The following PSMD13 variants were observed in gnomAD, a reference collection of about 807,000 sequenced individuals.
PSMD13 encodes the protein proteasome 26S subunit, non-ATPase 13.
Under a neutral mutation model 57.4 loss-of-function variants are expected in PSMD13, and 8 were observed. That is an observed-to-expected ratio of 0.14 (90% CI 0.08 to 0.25). The LOEUF is 0.25. Ranked by LOEUF, PSMD13 falls within the 10% of genes least tolerant of loss-of-function variation. PSMD13 has a pLI of 1.00. For missense variants in PSMD13, 400 were observed against 461.5 expected (o/e 0.87, Z 1.22); for synonymous variants, 193 against 168.2 (o/e 1.15, Z -1.14).
chr11:249,789 ATT>A (rs2133992325), intron 9 of PSMD13, among the ~76,000 whole-genome samples: 1 of 152,312 alleles, frequency 6.6e-6, no homozygotes, highest in African/African-American at 2.4e-5. Flanking sequence ...AGAAGTAAAT[ATT>A]AATAAAATGT....
Position 248,796 on chromosome 11 carries a change from G to T in PSMD13, c.589G>T (p.Ala197Ser). Residue 197 changes from alanine (A) to serine (S), a missense_variant, in exon 8 of 13, where the codon GCC (alanine) becomes TCC (serine). Coordinates refer to ENST00000532097, the MANE Select transcript of PSMD13 (RefSeq NM_002817.4). ...DLPVSEQQERAFTLGLAGLLG... is the reference protein window; with the variant it reads ...DLPVSEQQERSFTLGLAGLLG... ...CATAGTGTCTGAGCAGCAGGAGAGA[G>T]CCTTCACGCTGGGGCTAGCAGGACT... is the stretch of plus-strand genomic sequence containing the variant. 1 of 1,614,226 alleles carries T rather than the reference G, an allele frequency of 6.2e-7. No individual in the cohort carries two copies. Among genetic ancestry groups the T allele is most frequent in the East Asian group, 2.2e-5 (1 of 44,890 alleles).
rs1417177401 is a variant in PSMD13 at position 244,662 on chromosome 11, T to C, written c.310-13T>C. 2 of 1,605,562 alleles carry C rather than the reference T, an allele frequency of 1.2e-6. No individual in the cohort carries two copies. The highest frequency in any genetic ancestry group is 2.2e-5 in the East Asian group (1 of 44,866). ...CATTCTGAGGTTTCTTGTTTTTGTT[T>C]TTGATGTCTTAGGTGAAAAGTAGTG... On this transcript the variant is annotated splice_polypyrimidine_tract_variant and intron_variant, in intron 5 of 12. Transcript: ENST00000532097.
Position 252,524 on chromosome 11 carries a change from G to A in PSMD13, c.1055G>A (p.Arg352His), listed in dbSNP as rs749059585. ...DLQQIKGMKDRLEFWCTDVKS... is the reference protein window; with the variant it reads ...DLQQIKGMKDHLEFWCTDVKS... Reference sequence around the variant, plus strand: ...TTTCAGATCAAGGGAATGAAGGACCGCCTGGAGTTCTGGTGCACGGATGTG... The same window carrying A: ...TTTCAGATCAAGGGAATGAAGGACCACCTGGAGTTCTGGTGCACGGATGTG... The change falls in exon 13 of 13, where the codon CGC becomes CAC. Residue 352 changes from arginine to histidine, a missense_variant. Coordinates refer to ENST00000532097, the MANE Select transcript of PSMD13 (RefSeq NM_002817.4). The surrounding 1 kb of genome is among the most constrained non-coding windows in gnomAD (Gnocchi z 4.1). 1.1e-5 allele frequency: 18 copies of A among 1,613,956 alleles called. No homozygotes were observed. In the Admixed American group the frequency reaches 1.5e-4, roughly 13 times the overall value.
At chr11:243,537 G>T in intron 2 of PSMD13, 1 of 337,444 alleles carries the variant, frequency 3.0e-6, no homozygotes, top group South Asian at 2.5e-5. Flanking sequence ...CTTACTTATG[G>T]GATTCACCTT....
chr11:244,800 A>G (rs1372834954), intron 6 of PSMD13, 39 bp downstream of exon 6: 2 of 1,436,218 alleles, frequency 1.4e-6, no homozygotes, highest in Non-Finnish European at 1.9e-6. Flanking sequence ...TTGGTTTAAA[A>G]TTATTTAAAA....
chr11:252,255 G>T lies in PSMD13; in HGVS notation c.1036-250G>T. The T allele has an allele frequency of 1.9e-6, 1 of 523,266 alleles. No homozygotes were observed. Among genetic ancestry groups the T allele is most frequent in the Non-Finnish European group, 3.4e-6 (1 of 290,098 alleles). 32.4% of individuals were successfully genotyped at this position (523,266 alleles called of 1,614,324 possible). A position where few individuals can be genotyped will look rare whatever the true frequency, so the allele number is the denominator to read the frequency against. On this transcript the variant is annotated intron_variant, in intron 12 of 12. Transcript: ENST00000532097. The surrounding 1 kb of genome is among the most constrained non-coding windows in gnomAD (Gnocchi z 4.1). Reference sequence around the variant, plus strand: ...GCTCACGTCGCTCTTACATTTGCTGGAAATGCGATCCTGTGGATTTCCTCT... The same window carrying T: ...GCTCACGTCGCTCTTACATTTGCTGTAAATGCGATCCTGTGGATTTCCTCT...
Position 252,231 on chromosome 11 carries a change from C to G in PSMD13, c.1036-274C>G, listed in dbSNP as rs3817630. 126,373 of 512,578 alleles carry G rather than the reference C, an allele frequency of 0.25. 16,363 individuals carry two copies. Among genetic ancestry groups the G allele is most frequent in the Admixed American group, 0.3 (9,308 of 30,636 alleles). 31.8% of individuals were successfully genotyped at this position (512,578 alleles called of 1,614,324 possible). A position where few individuals can be genotyped will look rare whatever the true frequency, so the allele number is the denominator to read the frequency against. ...TACGTTCCTGGTTCTGTGATTTGAG[C>G]TCACGTCGCTCTTACATTTGCTGGA... On this transcript the variant is annotated intron_variant, in intron 12 of 12. Transcript: ENST00000532097. This position sits in a 1 kb window ranked among gnomAD's most constrained non-coding sequence, Gnocchi z 4.1.
At chr11:244,124 C>T (rs1859581653) in intron 3 of PSMD13, 37 bp from the exon 4 acceptor site, 2 of 1,605,804 alleles carry the variant, frequency 1.2e-6, no homozygotes, top group South Asian at 1.1e-5. Context: ...TGCATTGATG[C>T]TCGGCGGTGC....
chr11:249,030 G>C lies in PSMD13; in HGVS notation c.747G>C (p.Gln249His), dbSNP rs777014721. The change falls in exon 9 of 13, where the codon CAG (glutamine) becomes CAC (histidine). Residue 249 changes from glutamine (Q) to histidine (H), a missense_variant. Gln to His is a conservative substitution (Grantham distance 24). Transcript: ENST00000532097. ...AFNSGNVERF[Q>H]TLKTAWGQQP... ...ACAGTGGCAACGTAGAGCGGTTCCAGACTCTGAAGACTGCCTGGGGCCAGC... is the reference window on the plus strand; with the variant it reads ...ACAGTGGCAACGTAGAGCGGTTCCACACTCTGAAGACTGCCTGGGGCCAGC... 3.1e-6 allele frequency: 5 copies of C among 1,613,280 alleles called. No individual in the cohort carries two copies. In the Admixed American group the frequency reaches 8.3e-5, roughly 27 times the overall value.
chr11:247,636 A>G (rs1481333128), intron 7 of PSMD13, 188 bp downstream of exon 7: 3 of 519,694 alleles, frequency 5.8e-6, no homozygotes, highest in Non-Finnish European at 9.8e-6. Context: ...GTTCGAGACC[A>G]GCCTGGCCAA....
At position 251,908 on chromosome 11, in the gene PSMD13, T is replaced by A; in HGVS notation, c.1007T>A (p.Val336Glu). 1.9e-6 allele frequency: 3 copies of A among 1,614,084 alleles called. No individual in the cohort carries two copies. Among genetic ancestry groups the A allele is most frequent in the Non-Finnish European group, 2.5e-6 (3 of 1,179,932 alleles). ...EVDKRVHMTW[V>E]QPRVLDLQQI... Reference sequence around the variant, plus strand: ...GACAAACGAGTCCACATGACCTGGGTGCAGCCCCGAGTGTTGGATTTGCAA... The same window carrying A: ...GACAAACGAGTCCACATGACCTGGGAGCAGCCCCGAGTGTTGGATTTGCAA... Residue 336 changes from valine (V) to glutamate (E), a missense_variant, in exon 12 of 13, where the codon GTG (valine) becomes GAG (glutamate). By Grantham distance (121) the Val-to-Glu change is moderately radical. Coordinates refer to ENST00000532097, the MANE Select transcript of PSMD13 (RefSeq NM_002817.4). The surrounding 1 kb of genome is among the most constrained non-coding windows in gnomAD (Gnocchi z 4.6).
chr11:243,211 A>T (rs6598065), intron 2 of PSMD13: 4 of 594,310 alleles, frequency 6.7e-6, no homozygotes, highest in Non-Finnish European at 9.9e-6. Context: ...TGCTGCACAC[A>T]ACATTACTGA....
At chr11:240,128 T>TTTTGCGG (rs869292581) in intron 2 of PSMD13, among the ~76,000 whole-genome samples, 1 of 141,614 alleles carries the variant, frequency 7.1e-6, no homozygotes, top group Non-Finnish European at 1.5e-5. Flanking sequence ...TTTTTTTTTT[T>TTTTGCGG]GACGGAGTTT....
At chr11:246,500 C>CA (rs1055562065) in intron 6 of PSMD13, among the ~76,000 whole-genome samples, 26 of 149,916 alleles carry the variant, frequency 1.7e-4, no homozygotes, top group Middle Eastern at 3.4e-3. Flanking sequence ...GACTCTGTCT[C>CA]AAAAAAAAAG....
In PSMD13 at chr11:252,408, T is replaced by G; in HGVS notation, c.1036-97T>G. On this transcript the variant is annotated intron_variant, in intron 12 of 12. Transcript: ENST00000532097. The surrounding 1 kb of genome is among the most constrained non-coding windows in gnomAD (Gnocchi z 4.1). Reference sequence around the variant, plus strand: ...ACTAGAGCTGCCCTAGAGAGTTAGCTGGAGATGTAGAGTCACCCCATCAGG... The same window carrying G: ...ACTAGAGCTGCCCTAGAGAGTTAGCGGGAGATGTAGAGTCACCCCATCAGG... 3 of 1,113,988 alleles carry G rather than the reference T, an allele frequency of 2.7e-6. No individual in the cohort carries two copies. The highest frequency in any genetic ancestry group is 4.1e-6 in the Non-Finnish European group (3 of 732,676). The allele number at this position is 1,113,988 out of a possible 1,614,324, so 69.0% of individuals were successfully genotyped here.
intron 1 of PSMD13, among the ~76,000 whole-genome samples, chr11:237,636 C>A (rs1005121809): frequency 6.6e-6 from 1 of 152,212 alleles, no homozygotes; most frequent in Non-Finnish European, 1.5e-5. Flanking sequence ...GAGGCTAGTA[C>A]AGCTTTGCTG....
intron 1 of PSMD13, among the ~76,000 whole-genome samples, chr11:237,436 C>G (rs1439781401): frequency 6.6e-6 from 1 of 152,216 alleles, no homozygotes; most frequent in African/African-American, 2.4e-5. Context: ...CTTCTGAACT[C>G]CTACCTCGGG....
chr11:250,874 A>G lies in PSMD13; in HGVS notation c.837+9A>G. Reference sequence around the variant, plus strand: ...TGTTGTGCCTCATGGAGGTAAGCGAACACCCAGGAGCCACTTTGTCTGTGG... The same window carrying G: ...TGTTGTGCCTCATGGAGGTAAGCGAGCACCCAGGAGCCACTTTGTCTGTGG... On this transcript the variant is annotated intron_variant, in intron 10 of 12. Coordinates refer to ENST00000532097, the MANE Select transcript of PSMD13 (RefSeq NM_002817.4). 6.2e-7 allele frequency: 1 copy of G among 1,613,328 alleles called. No homozygotes were observed. Among genetic ancestry groups the G allele is most frequent in the Non-Finnish European group, 8.5e-7 (1 of 1,179,782 alleles).
intron 1 of PSMD13, 139 bp downstream of exon 1, chr11:237,283 C>T (rs1859301754): frequency 1.3e-6 from 1 of 777,016 alleles, no homozygotes; most frequent in Non-Finnish European, 2.0e-6. Context: ...TAGCGACCGG[C>T]TGTGCCGGCA....
Sources: gnomAD v4.1 joint callset for allele counts (sites outside exome capture counted in the v4.1 genomes callset) on GRCh38, gnomAD v4.1.1 for gene constraint, Gnocchi (gnomAD v3.1) non-coding constraint, MANE v1.5 for transcripts, NCBI Gene and HGNC (gene_info 2026-07-23, HGNC 2026-07-21) for gene names.